Variants in CACNA1H observed in about 807,000 individuals in gnomAD.
CACNA1H encodes the protein calcium voltage-gated channel subunit alpha1 H.
CACNA1H carries 149 observed loss-of-function variants against 192.5 expected under a neutral mutation model. That is an observed-to-expected ratio of 0.77 (90% CI 0.68 to 0.89). CACNA1H has a LOEUF of 0.89. Among genes scored for constraint, CACNA1H ranks in the 40% least tolerant of loss-of-function variants. CACNA1H has a pLI of 0.00. For missense variants in CACNA1H, 4,257 were observed against 3,423.5 expected (o/e 1.24, Z -6.08); for synonymous variants, 2,202 against 1,475.2 (o/e 1.49, Z -11.29).
chr16:1,185,313 G>T (rs140421364), intron 2 of CACNA1H, among the ~76,000 whole-genome samples: 130 of 152,316 alleles, frequency 8.5e-4, no homozygotes, highest in Non-Finnish European at 1.5e-3. Flanking sequence ...CTGTGGACAC[G>T]TGTGGGCCCG....
intron 12 of CACNA1H, 38 bp from the exon 13 acceptor site, chr16:1,206,963 T>C (rs757448228): frequency 2.2e-4 from 151 of 699,052 alleles, no homozygotes; most frequent in Non-Finnish European, 3.0e-4. Flanking sequence ...AGCACACCCC[T>C]GCCTCCACCC....
intron 30 of CACNA1H, among the ~76,000 whole-genome samples, chr16:1,216,064 C>T (rs555765152): frequency 2.2e-4 from 34 of 152,308 alleles, no homozygotes; most frequent in Non-Finnish European, 7.4e-5. Flanking sequence ...CACGTTGTCC[C>T]GTCCGTAGCC....
chr16:1,202,402 T>G lies in CACNA1H; in HGVS notation c.1952T>G (p.Leu651Trp). The change falls in exon 9 of 35, where the codon TTG becomes TGG. Residue 651 changes from leucine to tryptophan, a missense_variant. Coordinates refer to ENST00000348261, the MANE Select transcript of CACNA1H (RefSeq NM_021098.3). ...PGTGGHGPLS[L>W]NSPDPYEKIP... ...ACCGGGGGGCACGGCCCGTTGAGCT[T>G]GAACAGCCCTGATCCCTACGAGAAG... is the stretch of plus-strand genomic sequence containing the variant. The G allele has an allele frequency of 6.5e-7, 1 of 1,540,108 alleles. No homozygotes were observed. Among genetic ancestry groups the G allele is most frequent in the South Asian group, 1.2e-5 (1 of 82,306 alleles).
At chr16:1,172,787 C>T (rs2151715054) in intron 2 of CACNA1H, among the ~76,000 whole-genome samples, 1 of 152,170 alleles carries the variant, frequency 6.6e-6, no homozygotes, top group Admixed American at 6.5e-5. Flanking sequence ...TGCCTGGGTG[C>T]CCCCGAGGGC....
intron 31 of CACNA1H, 143 bp downstream of exon 31, chr16:1,217,153 G>A: frequency 2.9e-6 from 2 of 697,050 alleles, no homozygotes; most frequent in Non-Finnish European, 2.4e-6. Context: ...TCCTCACCCG[G>A]CCCTGCTTCC....
intron 2 of CACNA1H, among the ~76,000 whole-genome samples, chr16:1,172,991 G>A (rs920160644): frequency 3.2e-4 from 48 of 152,094 alleles, no homozygotes; most frequent in Admixed American, 2.9e-3. Flanking sequence ...TGGGAGGGAG[G>A]GGAGGGGTGG....
At chr16:1,173,537 C>T (rs1490370644) in intron 2 of CACNA1H, among the ~76,000 whole-genome samples, 2 of 152,194 alleles carry the variant, frequency 1.3e-5, no homozygotes, top group East Asian at 1.9e-4. Context: ...CAATAATAAG[C>T]CCTTTGTGTG....
In CACNA1H at chr16:1,220,828, C is replaced by T. The variant is rs759238808; in HGVS notation, c.6896C>T (p.Ala2299Val). Residue 2299 changes from alanine (A) to valine (V), a missense_variant, in exon 35 of 35, where the codon GCC becomes GTC. Physicochemically the swap from Ala to Val is moderately conservative, Grantham distance 64. Coordinates refer to ENST00000348261, the MANE Select transcript of CACNA1H (RefSeq NM_021098.3). ...TPESRASSSGAIVPLEPPESE... is the reference protein window; with the variant it reads ...TPESRASSSGVIVPLEPPESE... ...GAATCCAGAGCTTCCTCTTCAGGGG[C>T]CATAGTGCCCCTGGAACCCCCAGAA... 6.2e-7 allele frequency: 1 copy of T among 1,612,762 alleles called. No homozygotes were observed. Among genetic ancestry groups the T allele is most frequent in the African/African-American group, 1.3e-5 (1 of 75,020 alleles).
chr16:1,204,226 G>C lies in CACNA1H; in HGVS notation c.2219G>C (p.Trp740Ser). 1 of 1,611,452 alleles carries C rather than the reference G, an allele frequency of 6.2e-7. No individual in the cohort carries two copies. Among genetic ancestry groups the C allele is most frequent in the Non-Finnish European group, 8.5e-7 (1 of 1,179,312 alleles). ...CAGGACGTCCGGCACGGTGACCGCT[G>C]GGACCCCACGCGACCACCCCGTGCG... ...FTQDVRHGDR[W>S]DPTRPPRATD... The change falls in exon 10 of 35, where the codon TGG becomes TCG. Residue 740 changes from tryptophan to serine, a missense_variant. Physicochemically the swap from Trp to Ser is radical, Grantham distance 177 (BLOSUM62 -3). Coordinates refer to ENST00000348261, the MANE Select transcript of CACNA1H (RefSeq NM_021098.3).
chr16:1,202,605 A>G lies in CACNA1H; in HGVS notation c.2002+153A>G, dbSNP rs1358407630. ...ACCAGCTATGCCTCTGGAGCCCATA[A>G]GAAGGGGAAAGAGGCAGGTCCCGCC... On this transcript the variant is annotated intron_variant, in intron 9 of 34. Coordinates refer to ENST00000348261, the MANE Select transcript of CACNA1H (RefSeq NM_021098.3). Among the ~76,000 whole-genome samples, 4 of 152,226 alleles carry G rather than the reference A, an allele frequency of 2.6e-5. No homozygotes were observed. In the South Asian group the frequency reaches 8.3e-4, roughly 32 times the overall value.
At chr16:1,213,487 G>A (rs1028436413) in intron 26 of CACNA1H, among the ~76,000 whole-genome samples, 8 of 152,096 alleles carry the variant, frequency 5.3e-5, no homozygotes, top group Non-Finnish European at 1.2e-4. Flanking sequence ...TGCTGAGGAG[G>A]AGGTTAGTCA....
Position 1,220,854 on chromosome 16 carries a change from T to A in CACNA1H, c.6922T>A (p.Ser2308Thr). ...CATAGTGCCCCTGGAACCCCCAGAA[T>A]CAGAGCCTCCCATGCCCGTCGGTGA... The part of the protein sequence containing the change: ...GAIVPLEPPE[S>T]EPPMPVGDPP... Residue 2308 changes from serine to threonine, a missense_variant, in exon 35 of 35, where the codon TCA becomes ACA. Ser to Thr is a moderately conservative substitution (Grantham distance 58, BLOSUM62 1). Transcript: ENST00000348261. 6.2e-7 allele frequency: 1 copy of A among 1,612,490 alleles called. No homozygotes were observed. The highest frequency in any genetic ancestry group is 1.1e-5 in the South Asian group (1 of 91,060).
intron 6 of CACNA1H, 78 bp downstream of exon 6, chr16:1,198,852 A>C (rs2141222637): frequency 7.2e-7 from 1 of 1,394,430 alleles, no homozygotes; most frequent in Non-Finnish European, 9.7e-7. Flanking sequence ...ATGTGGCTCC[A>C]CCGCCCCACG....
intron 10 of CACNA1H, among the ~76,000 whole-genome samples, 159 bp downstream of exon 10, chr16:1,204,617 G>T (rs1198993208): frequency 6.6e-6 from 1 of 152,206 alleles, no homozygotes; most frequent in Non-Finnish European, 1.5e-5. Flanking sequence ...GACCAGGTGT[G>T]CCGAGCCTCC....
chr16:1,217,167 G>C (rs1331612493), intron 31 of CACNA1H, among the ~76,000 whole-genome samples, 157 bp downstream of exon 31: 2 of 152,224 alleles, frequency 1.3e-5, no homozygotes, highest in African/African-American at 2.4e-5. Flanking sequence ...TGCTTCCGGA[G>C]CCTTTTCTGC....
In CACNA1H at chr16:1,167,133, C is replaced by T. The variant is rs1445239984; in HGVS notation, c.299+13097C>T. 6.6e-6 allele frequency among the ~76,000 whole-genome samples: 1 copy of T among 152,184 alleles called. No individual in the cohort carries two copies. Among genetic ancestry groups the T allele is most frequent in the Non-Finnish European group, 1.5e-5 (1 of 68,036 alleles). ...CCAGGGCTGTGGGAGTGGACACGGC[C>T]CTTCCTTTCCTCGCCGACCCTTTGG... is the stretch of plus-strand genomic sequence containing the variant. On this transcript the variant is annotated intron_variant, in intron 2 of 34. Transcript: ENST00000348261. This position sits in a 1 kb window ranked among gnomAD's most constrained non-coding sequence, Gnocchi z 4.2.
In CACNA1H at chr16:1,202,228, ATGCCGCAGCCAC is replaced by A. The variant is rs773399229; in HGVS notation, c.1785_1796del (p.Thr597_Ala600del). On this transcript the variant is annotated inframe_deletion, in exon 9 of 35. Coordinates refer to ENST00000348261, the MANE Select transcript of CACNA1H (RefSeq NM_021098.3). ...CCGCAGGAGAGGGCCCGGGTGGCAC[ATGCCGCAGCCAC>A]TGCCGCTGCCAGCCTCAGACTGGCC... 17 of 1,556,136 alleles carry A rather than the reference ATGCCGCAGCCAC, an allele frequency of 1.1e-5. No homozygotes were observed. The South Asian group carries it at 2.0e-4, about 18-fold the overall frequency.
intron 2 of CACNA1H, among the ~76,000 whole-genome samples, chr16:1,184,510 C>T (rs550898795): frequency 1.5e-4 from 23 of 152,358 alleles, no homozygotes; most frequent in African/African-American, 5.0e-4. Context: ...TCACCCTCAT[C>T]CTCTGTGAGC....
Position 1,208,163 on chromosome 16 carries a change from A to G in CACNA1H, c.3305A>G (p.Asp1102Gly), listed in dbSNP as rs1483515546. The G allele has an allele frequency of 2.5e-6, 4 of 1,570,142 alleles. No individual in the cohort carries two copies. Among genetic ancestry groups the G allele is most frequent in the Non-Finnish European group, 3.4e-6 (4 of 1,160,222 alleles). The part of the protein sequence containing the change: ...PFLDAAPSLP[D>G]SRRGSSSSGD... The stretch of plus-strand genomic sequence containing the variant: ...CTGGATGCAGCCCCCAGCCTCCCAG[A>G]CTCTCGGCGTGGCAGCAGCAGCTCC... Residue 1102 changes from aspartate to glycine, a missense_variant, in exon 16 of 35, where the codon GAC becomes GGC. Transcript: ENST00000348261.
Sources: allele counts gnomAD v4.1 joint callset (sites outside exome capture counted in the v4.1 genomes callset), GRCh38; gene constraint gnomAD v4.1.1; non-coding constraint Gnocchi (gnomAD v3.1); transcripts MANE v1.5; gene names NCBI Gene and HGNC (gene_info 2026-07-23, HGNC 2026-07-21).